The following ATP2A3 variants were observed in gnomAD, a reference collection of about 807,000 sequenced individuals.
The protein encoded by ATP2A3 is ATPase sarcoplasmic/endoplasmic reticulum Ca2+ transporting 3, also known as sarcoplasmic/endoplasmic reticulum calcium ATPase 3.
In ATP2A3, 61 loss-of-function variants were observed where a neutral mutation model predicts 106.8. The observed-to-expected ratio is 0.57, with a 90% CI of 0.46 to 0.71. ATP2A3 has a LOEUF of 0.71. Ranked by LOEUF, ATP2A3 falls within the 30% of genes least tolerant of loss-of-function variation. The pLI is 0.00. For synonymous variants in ATP2A3, 611 were observed against 609.3 expected (o/e 1.00, Z -0.04); for missense variants, 1,201 against 1,423.5 (o/e 0.84, Z 2.52).
At position 3,936,581 on chromosome 17, in the gene ATP2A3, G is replaced by T; in HGVS notation, c.2322-112C>A. ...AGCTCACCCACCCACTGTCTCCACA[G>T]CAGCCCCTCCTCCCTCCGCCAGCTG... On this transcript the variant is annotated intron_variant, in intron 15 of 20. Transcript: ENST00000397041. This position sits in a 1 kb window ranked among gnomAD's most constrained non-coding sequence, Gnocchi z 5.4. The T allele has an allele frequency of 8.8e-7, 1 of 1,132,642 alleles. No homozygotes were observed. Among genetic ancestry groups the T allele is most frequent in the Non-Finnish European group, 1.3e-6 (1 of 758,652 alleles). The allele number at this position is 1,132,642 out of a possible 1,614,324, so 70.2% of individuals were successfully genotyped here.
At chr17:3,931,992 C>T (rs934330593) in intron 17 of ATP2A3, among the ~76,000 whole-genome samples, 5 of 152,160 alleles carry the variant, frequency 3.3e-5, no homozygotes, top group African/African-American at 7.2e-5. Flanking sequence ...TCTCCTCTCT[C>T]GTGCAGGAAG....
Position 3,964,327 on chromosome 17 carries a change from C to G in ATP2A3, c.-36G>C. On this transcript the variant is annotated 5_prime_UTR_variant, in exon 1 of 21. Coordinates refer to ENST00000397041, the MANE Select transcript of ATP2A3 (RefSeq NM_005173.4). Reference sequence around the variant, plus strand: ...CGGCCGTCTGCGCCGTCCGCACCGTCGAGGCCGCCTCTCCGCCGGGGGGCT... The same window carrying G: ...CGGCCGTCTGCGCCGTCCGCACCGTGGAGGCCGCCTCTCCGCCGGGGGGCT... 2.7e-6 allele frequency: 3 copies of G among 1,126,996 alleles called. No homozygotes were observed. The highest frequency in any genetic ancestry group is 3.3e-6 in the Non-Finnish European group (3 of 908,554). The allele number at this position is 1,126,996 out of a possible 1,614,324, so 69.8% of individuals were successfully genotyped here.
rs1289697035 is a variant in ATP2A3 at position 3,951,406 on chromosome 17, C to T, written c.325-17G>A. On this transcript the variant is annotated splice_polypyrimidine_tract_variant and intron_variant, in intron 4 of 20. Coordinates refer to ENST00000397041, the MANE Select transcript of ATP2A3 (RefSeq NM_005173.4). ...GTTGCGTTCCTGCAGAATAGAAGGC[C>T]GGCAGGCAGTCTGTCCCTGCTGCCC... 4 of 1,613,526 alleles carry T rather than the reference C, an allele frequency of 2.5e-6. No individual in the cohort carries two copies. The highest frequency in any genetic ancestry group is 1.7e-5 in the Admixed American group (1 of 60,022).
chr17:3,949,832 C>T (rs1182770000), intron 7 of ATP2A3, among the ~76,000 whole-genome samples: 1 of 152,128 alleles, frequency 6.6e-6, no homozygotes, highest in African/African-American at 2.4e-5. Flanking sequence ...TGTCAAGAAT[C>T]GATGAGGTTC....
chr17:3,926,816 A>G lies in ATP2A3; in HGVS notation c.2981-1375T>C. ...AACTCCTGACTCAGGTGATCTGCCC[A>G]CCTCGGCCTCCCAAAGTGCTGGGAT... On this transcript the variant is annotated intron_variant, in intron 20 of 20. Transcript: ENST00000397041. The surrounding 1 kb of genome is among the most constrained non-coding windows in gnomAD (Gnocchi z 4.6). The G allele has an allele frequency of 1.0e-6, 1 of 977,286 alleles. No individual in the cohort carries two copies. The highest frequency in any genetic ancestry group is 1.2e-6 in the Non-Finnish European group (1 of 822,602). The allele number at this position is 977,286 out of a possible 1,614,324, so 60.5% of individuals were successfully genotyped here. A position where few individuals can be genotyped will look rare whatever the true frequency, so the allele number is the denominator to read the frequency against.
intron 16 of ATP2A3, 60 bp from the exon 17 acceptor site, chr17:3,935,337 C>T (rs528247758): frequency 1.9e-5 from 28 of 1,500,344 alleles, no homozygotes; most frequent in Admixed American, 1.5e-4. Flanking sequence ...GCGTCTGTTT[C>T]CCCTGCCTAA....
chr17:3,925,542 GC>G lies in ATP2A3; in HGVS notation c.2981-102del. On this transcript the variant is annotated intron_variant, in intron 20 of 20. Transcript: ENST00000397041. This position sits in a 1 kb window ranked among gnomAD's most constrained non-coding sequence, Gnocchi z 4.2. ...TCCATCCTCCACTTCTCCCAGGACA[GC>G]CCCAGGCTCCCAAGGCCTCCCTTAG... The G allele has an allele frequency of 6.9e-7, 1 of 1,450,808 alleles. No homozygotes were observed. The highest frequency in any genetic ancestry group is 9.4e-7 in the Non-Finnish European group (1 of 1,064,812). The allele number at this position is 1,450,808 out of a possible 1,614,324, so 89.9% of individuals were successfully genotyped here. A position where few individuals can be genotyped will look rare whatever the true frequency, so the allele number is the denominator to read the frequency against.
At position 3,942,632 on chromosome 17, in the gene ATP2A3, C is replaced by A; in HGVS notation, c.1519G>T (p.Gly507Cys). Residue 507 changes from glycine (G) to cysteine (C), a missense_variant, in exon 12 of 21, where the codon GGC becomes TGC. Gly to Cys is a radical substitution (Grantham distance 159). Around this residue, in one of 2 missense-constraint regions of ATP2A3, gnomAD observed 935 missense variants for 1,176.7 expected, o/e 0.79. Coordinates refer to ENST00000397041, the MANE Select transcript of ATP2A3 (RefSeq NM_005173.4). Reference protein sequence around the residue: ...YCTPTRPHPTGQGSKMFVKGA... With the variant: ...YCTPTRPHPTCQGSKMFVKGA... Reference sequence around the variant, plus strand: ...TTCACAAACATCTTGCTGCCCTGGCCAGTAGGGTGAGGGCGGGTGGGCGTG... The same window carrying A: ...TTCACAAACATCTTGCTGCCCTGGCAAGTAGGGTGAGGGCGGGTGGGCGTG... The A allele has an allele frequency of 6.2e-7, 1 of 1,612,652 alleles. No homozygotes were observed. The highest frequency in any genetic ancestry group is 8.5e-7 in the Non-Finnish European group (1 of 1,179,852).
At chr17:3,940,882 G>T in intron 14 of ATP2A3, 89 bp downstream of exon 14, 1 of 1,415,012 alleles carries the variant, frequency 7.1e-7, no homozygotes. Context: ...GTAAGAATGA[G>T]GCAGAGGGGA....
intron 1 of ATP2A3, among the ~76,000 whole-genome samples, chr17:3,959,967 C>G (rs1054312190): frequency 2.6e-5 from 4 of 152,224 alleles, no homozygotes; most frequent in Non-Finnish European, 5.9e-5. Flanking sequence ...GCTGGGCAGG[C>G]CTGATGCTGC....
chr17:3,951,601 C>G lies in ATP2A3; in HGVS notation c.304G>C (p.Ala102Pro). 6.6e-7 allele frequency: 1 copy of G among 1,525,026 alleles called. No homozygotes were observed. Among genetic ancestry groups the G allele is most frequent in the Non-Finnish European group, 8.9e-7 (1 of 1,129,402 alleles). The allele number at this position is 1,525,026 out of a possible 1,614,324, so 94.5% of individuals were successfully genotyped here. Residue 102 changes from alanine (A) to proline (P), a missense_variant, in exon 4 of 21, where the codon GCC becomes CCC. Physicochemically the swap from Ala to Pro is conservative, Grantham distance 27 (BLOSUM62 -1). Around this residue, in one of 2 missense-constraint regions of ATP2A3, gnomAD observed 266 missense variants for 246.8 expected, o/e 1.08. Coordinates refer to ENST00000397041, the MANE Select transcript of ATP2A3 (RefSeq NM_005173.4). ...CCCACCTGCCACACGCCCACAATGG[C>G]GTTGGCCACGAGGATCAGCATGATG... The part of the protein sequence containing the change: ...LVIMLILVAN[A>P]IVGVWQERNA...
In ATP2A3 at chr17:3,945,075, G is replaced by A. The variant is rs1005569748; in HGVS notation, c.1169C>T (p.Thr390Ile). 1.9e-6 allele frequency: 3 copies of A among 1,546,088 alleles called. No individual in the cohort carries two copies. Among genetic ancestry groups the A allele is most frequent in the African/African-American group, 2.8e-5 (2 of 72,664 alleles). ...CCGCACTCACACTTCGCCCTCGGGG[G>A]TATACGTGGTACCCGAGATGGTGAA... ...HEFTISGTTY[T>I]PEGEVRQGDQ... is the part of the protein sequence containing the mutation. The change falls in exon 9 of 21, where the codon ACC becomes ATC. Residue 390 changes from threonine to isoleucine, a missense_variant. Transcript: ENST00000397041.
chr17:3,940,885 A>T, intron 14 of ATP2A3, 86 bp downstream of exon 14: 1 of 1,428,280 alleles, frequency 7.0e-7, no homozygotes, highest in South Asian at 1.2e-5. Flanking sequence ...AGAATGAGGC[A>T]GAGGGGAGAG....
chr17:3,958,855 T>A (rs1238884694), intron 1 of ATP2A3, among the ~76,000 whole-genome samples: 1 of 87,786 alleles, frequency 1.1e-5, no homozygotes, highest in African/African-American at 6.2e-5. Context: ...TATAAATATA[T>A]ATATATATAT....
At chr17:3,963,965 C>G (rs1009209293) in intron 1 of ATP2A3, among the ~76,000 whole-genome samples, 30 of 152,216 alleles carry the variant, frequency 2.0e-4, no homozygotes, top group African/African-American at 6.5e-4. Flanking sequence ...GTCTCCCCAG[C>G]TGGAACCCGC....
chr17:3,947,563 GGGAT>G lies in ATP2A3; in HGVS notation c.919_922del (p.Ile307ProfsTer62). 6.2e-7 allele frequency: 1 copy of G among 1,612,942 alleles called. No individual in the cohort carries two copies. On this transcript the variant is annotated frameshift_variant, in exon 8 of 21. Coordinates refer to ENST00000397041, the MANE Select transcript of ATP2A3 (RefSeq NM_005173.4). LOFTEE classifies it high-confidence loss of function. The surrounding 1 kb of genome is among the most constrained non-coding windows in gnomAD (Gnocchi z 7.7). The stretch of plus-strand genomic sequence containing the variant: ...AGTGATGACAGCCGGGAGGCCCTCG[GGGAT>G]GGCCGCCACCGCCAGGGCCACGGCG...
chr17:3,946,810 C>T (rs73971765), intron 8 of ATP2A3, among the ~76,000 whole-genome samples: 387 of 152,292 alleles, frequency 2.5e-3, no homozygotes, highest in African/African-American at 9.0e-3. Flanking sequence ...ACCATCTCCC[C>T]ACCCACCCAT....
At chr17:3,959,898 G>A (rs1002784447) in intron 1 of ATP2A3, among the ~76,000 whole-genome samples, 9 of 152,240 alleles carry the variant, frequency 5.9e-5, no homozygotes, top group African/African-American at 1.7e-4. Flanking sequence ...CTCTTCGTCC[G>A]ACTGTGCTAT....
rs1353667031 is a variant in ATP2A3, at chr17:3,947,096, C to T, written c.1095+295G>A. On this transcript the variant is annotated intron_variant, in intron 8 of 20. Transcript: ENST00000397041. This position sits in a 1 kb window ranked among gnomAD's most constrained non-coding sequence, Gnocchi z 7.7. ...GCCTCTCCTATGTCCTTTACGTTTA[C>T]CTAGCAGGGCTCACACAGCCAGGCT... Among the ~76,000 whole-genome samples the T allele has an allele frequency of 1.3e-5, 2 of 152,240 alleles. No homozygotes were observed. The highest frequency in any genetic ancestry group is 4.8e-5 in the African/African-American group (2 of 41,458).
Sources: gnomAD v4.1 joint callset for allele counts (sites outside exome capture counted in the v4.1 genomes callset) on GRCh38, gnomAD v4.1.1 for gene constraint, gnomAD v4.1.1 regional missense constraint, Gnocchi (gnomAD v3.1) non-coding constraint, MANE v1.5 for transcripts, NCBI Gene and HGNC (gene_info 2026-07-23, HGNC 2026-07-21) for gene names.